The following PCSK6 variants were observed in gnomAD, a reference collection of about 807,000 sequenced individuals.
PCSK6 encodes the protein paired basic amino acid cleaving enzyme 4.
Under a neutral mutation model 123.3 loss-of-function variants are expected in PCSK6, and 85 were observed. The observed-to-expected ratio is 0.69, with a 90% confidence interval of 0.58 to 0.83. The LOEUF is 0.83. Among genes scored for constraint, PCSK6 ranks in the 40% least tolerant of loss-of-function variants. The pLI is 0.00. For synonymous variants in PCSK6, 508 were observed against 516.0 expected, an observed-to-expected ratio of 0.98 and a Z score of 0.21; for missense variants, 1,191 against 1,282.3, an observed-to-expected ratio of 0.93 and a Z score of 1.09.
chr15:101,396,376 C>T (rs1567189428), intron 7 of PCSK6, among the ~76,000 whole-genome samples: 1 of 152,144 alleles, frequency 6.6e-6, no homozygotes, highest in Admixed American at 6.5e-5. Context: ...ACAACCAGGA[C>T]CCCTCCTGGA....
At chr15:101,382,964 T>A (rs2041950518) in intron 10 of PCSK6, among the ~76,000 whole-genome samples, 1 of 152,184 alleles carries the variant, frequency 6.6e-6, no homozygotes, top group South Asian at 2.1e-4. Flanking sequence ...GCACTTAGGG[T>A]AACTATGCTT....
intron 6 of PCSK6, among the ~76,000 whole-genome samples, chr15:101,399,482 C>A (rs913350653): frequency 6.6e-6 from 1 of 152,102 alleles, no homozygotes; most frequent in Admixed American, 6.5e-5. Context: ...TCCTCGAGAG[C>A]ACCCCAAAAA....
intron 12 of PCSK6, among the ~76,000 whole-genome samples, chr15:101,368,432 G>T (rs1409660340): frequency 6.6e-6 from 1 of 152,230 alleles, no homozygotes; most frequent in Non-Finnish European, 1.5e-5. Context: ...TTACAGATAA[G>T]TGAAGTGGCA....
At chr15:101,486,390 G>T (rs1478332713) in intron 1 of PCSK6, among the ~76,000 whole-genome samples, 1 of 152,222 alleles carries the variant, frequency 6.6e-6, no homozygotes, top group Non-Finnish European at 1.5e-5. Context: ...CGTCTTCTCA[G>T]ATGTGCTGCC....
intron 1 of PCSK6, among the ~76,000 whole-genome samples, chr15:101,476,727 T>G (rs1169529762): frequency 6.6e-6 from 1 of 152,162 alleles, no homozygotes; most frequent in Non-Finnish European, 1.5e-5. Flanking sequence ...ATTTTGGATT[T>G]TGCTTTGTAC....
rs117194440 is a variant in PCSK6, at chr15:101,426,913, C to A, written c.823+979G>T. Among the ~76,000 whole-genome samples, 141 of 152,336 alleles carry A rather than the reference C, an allele frequency of 9.3e-4. 1 individual carries two copies. The East Asian group carries it at 0.02, about 21-fold the overall frequency. On this transcript the variant is annotated intron_variant, in intron 6 of 21. Transcript: ENST00000611716. ...GAAGGTGGTTTCCCACTGCAGCCAC[C>A]TGAGTGAGCAGGAGCACCTTCGGAC...
chr15:101,324,420 T>C (rs962716464), intron 17 of PCSK6, among the ~76,000 whole-genome samples: 1 of 152,226 alleles, frequency 6.6e-6, no homozygotes, highest in Non-Finnish European at 1.5e-5. Flanking sequence ...GCACACATCC[T>C]GTGTTACAGA....
At chr15:101,464,857 C>T (rs79339955) in intron 1 of PCSK6, among the ~76,000 whole-genome samples, 3,782 of 152,264 alleles carry the variant, frequency 0.025, 179 homozygotes, top group African/African-American at 0.084. Flanking sequence ...GGGATGCTCC[C>T]ACAGCACCAG....
chr15:101,350,824 C>T (rs1243887781), intron 13 of PCSK6, among the ~76,000 whole-genome samples: 3 of 152,208 alleles, frequency 2.0e-5, no homozygotes, highest in Admixed American at 6.5e-5. Flanking sequence ...ACCCTCTACC[C>T]GTTCAATTCC....
rs371662510 is a variant in PCSK6, at chr15:101,475,056, G to A, written c.297+14318C>T. On this transcript the variant is annotated intron_variant, in intron 1 of 21. Transcript: ENST00000611716. ...GGACCCCTCCAGGTCTGGCCCTAGC[G>A]CCACTGGTCACAAAGGCTTCCCTGA... is the stretch of plus-strand genomic sequence containing the variant. Among the ~76,000 whole-genome samples the A allele has an allele frequency of 3.3e-5, 5 of 152,242 alleles. No individual in the cohort carries two copies. In the East Asian group the frequency reaches 5.8e-4, roughly 18 times the overall value.
intron 15 of PCSK6, among the ~76,000 whole-genome samples, chr15:101,327,935 T>C (rs899232535): frequency 1.3e-5 from 2 of 152,196 alleles, no homozygotes; most frequent in South Asian, 4.1e-4. Context: ...GGGTTCCAGA[T>C]GCCACTCACC....
In PCSK6 at chr15:101,474,710, A is replaced by G. The variant is rs117246476; in HGVS notation, c.297+14664T>C. Among the ~76,000 whole-genome samples the G allele has an allele frequency of 1.5e-3, 232 of 152,274 alleles. 6 individuals carry two copies. The East Asian group carries it at 0.037, about 24-fold the overall frequency. The stretch of plus-strand genomic sequence containing the variant: ...AGTGCTGCAGAAGACTAAGCCCTCC[A>G]GGCAATACTGCCCAGGCCAATGGAG... On this transcript the variant is annotated intron_variant, in intron 1 of 21. Transcript: ENST00000611716.
At chr15:101,402,998 A>G (rs1207648821) in intron 6 of PCSK6, among the ~76,000 whole-genome samples, 4 of 152,190 alleles carry the variant, frequency 2.6e-5, no homozygotes, top group Non-Finnish European at 5.9e-5. Context: ...ACTATTCACA[A>G]TAGCAAAGAC....
At chr15:101,346,813 T>C (rs1274522432) in intron 13 of PCSK6, 2 of 1,231,370 alleles carry the variant, frequency 1.6e-6, no homozygotes, top group African/African-American at 3.1e-5. Flanking sequence ...TTATGCTTTC[T>C]ACTGGAGATA....
At chr15:101,436,514 C>A (rs1036578792) in intron 2 of PCSK6, among the ~76,000 whole-genome samples, 1 of 152,232 alleles carries the variant, frequency 6.6e-6, no homozygotes, top group Admixed American at 6.5e-5. Flanking sequence ...GGACTGCAAG[C>A]CAGACCTGAC....
At chr15:101,309,718 C>T (rs1045920615) in intron 20 of PCSK6, among the ~76,000 whole-genome samples, 1 of 152,206 alleles carries the variant, frequency 6.6e-6, no homozygotes, top group African/African-American at 2.4e-5. Flanking sequence ...GGAGGCAGGG[C>T]CAGGGCATGA....
intron 13 of PCSK6, among the ~76,000 whole-genome samples, chr15:101,354,219 G>A (rs532094936): frequency 2.0e-5 from 3 of 152,022 alleles, no homozygotes; most frequent in Non-Finnish European, 4.4e-5. Flanking sequence ...ACATGTACAA[G>A]TATACACATA....
chr15:101,346,893 A>G (rs2040745420), intron 13 of PCSK6: 2 of 1,231,630 alleles, frequency 1.6e-6, no homozygotes, highest in South Asian at 4.1e-5. Flanking sequence ...TCTCCCCGAG[A>G]TAAGTGGGGA....
At chr15:101,404,577 A>AAG (rs1175301740) in intron 6 of PCSK6, among the ~76,000 whole-genome samples, 1 of 152,136 alleles carries the variant, frequency 6.6e-6, no homozygotes, top group East Asian at 1.9e-4. Flanking sequence ...ACGGTAGGGG[A>AAG]AGAGAGTGGG....
Sources: gnomAD v4.1 joint callset for allele counts (sites outside exome capture counted in the v4.1 genomes callset) on GRCh38, gnomAD v4.1.1 for gene constraint, MANE v1.5 for transcripts, NCBI Gene and HGNC (gene_info 2026-07-23, HGNC 2026-07-21) for gene names.